PIGN: variants seen among roughly 807,000 people sequenced by gnomAD.
PIGN encodes the protein GPI ethanolamine phosphate transferase 1.
PIGN carries 117 observed loss-of-function variants against 125.4 expected under a neutral mutation model. That is an observed-to-expected ratio of 0.93 (90% confidence interval 0.80 to 1.09). The LOEUF is 1.09. Ranked by LOEUF, PIGN falls within the 50% of genes least tolerant of loss-of-function variation. PIGN has a pLI of 0.00. For missense variants in PIGN, 1,075 were observed against 1,094.9 expected (o/e 0.98, Z 0.26); for synonymous variants, 392 against 377.8 (o/e 1.04, Z -0.44).
chr18:62,084,513 C>A lies in PIGN; in HGVS notation c.2502+18G>T. 1 of 1,465,222 alleles carries A rather than the reference C, an allele frequency of 6.8e-7. No individual in the cohort carries two copies. The highest frequency in any genetic ancestry group is 9.3e-7 in the Non-Finnish European group (1 of 1,076,848). 90.8% of individuals were successfully genotyped at this position (1,465,222 alleles called of 1,614,324 possible). A position where few individuals can be genotyped will look rare whatever the true frequency, so the allele number is the denominator to read the frequency against. ...TCAATCAATAGCTTAAGACAAATAACAAAATAAGAAAACTAACCTTCCACA... is the reference window on the plus strand; with the variant it reads ...TCAATCAATAGCTTAAGACAAATAAAAAAATAAGAAAACTAACCTTCCACA... On this transcript the variant is annotated intron_variant, in intron 27 of 30. Transcript: ENST00000640252.
chr18:62,142,035 T>C (rs1040519513), intron 11 of PIGN, among the ~76,000 whole-genome samples: 1 of 152,214 alleles, frequency 6.6e-6, no homozygotes, highest in Admixed American at 6.5e-5. Context: ...CAGTCTATCA[T>C]ATACATCCAC....
rs1432433273 is a variant in PIGN at position 62,045,071 on chromosome 18, A to C, written c.*785T>G. On this transcript the variant is annotated 3_prime_UTR_variant, in exon 31 of 31. Coordinates refer to ENST00000640252, the MANE Select transcript of PIGN (RefSeq NM_176787.5). ...AGTAAAAAGAAATTCAAAGGGAAAG[A>C]AACAATATACGAAAAAGCTATGGGG... The C allele has an allele frequency of 6.6e-6, 1 of 152,216 alleles. No homozygotes were observed. The highest frequency in any genetic ancestry group is 1.5e-5 in the Non-Finnish European group (1 of 68,024). 9.4% of individuals were successfully genotyped at this position (152,216 alleles called of 1,614,324 possible). A position where few individuals can be genotyped will look rare whatever the true frequency, so the allele number is the denominator to read the frequency against.
chr18:62,106,873 A>T lies in PIGN; in HGVS notation c.1683T>A (p.Ser561Arg). 19 of 1,606,982 alleles carry T rather than the reference A, an allele frequency of 1.2e-5. No homozygotes were observed. The highest frequency in any genetic ancestry group is 1.5e-5 in the Non-Finnish European group (18 of 1,176,484). The change falls in exon 19 of 31, where the codon AGT becomes AGA. Residue 561 changes from serine (S) to arginine (R), a missense_variant. Around this residue, in one of 3 missense-constraint regions of PIGN, gnomAD observed 915 missense variants for 908.7 expected, o/e 1.01. Coordinates refer to ENST00000640252, the MANE Select transcript of PIGN (RefSeq NM_176787.5). ...CGGTAAGCATATAGCGGTAGAAAAA[A>T]CTGAGAACCTAGTAATGCATTCCAA... ...FTLGIEVLVL[S>R]FFYRYMLTAG...
chr18:62,028,006 C>A (rs1019378432), intron 23 of PIGN, among the ~76,000 whole-genome samples: 7 of 152,200 alleles, frequency 4.6e-5, no homozygotes, highest in Non-Finnish European at 1.0e-4. Flanking sequence ...TTTTCCCTAT[C>A]AGCATACAGT....
rs114146827 is a variant in PIGN at position 62,140,850 on chromosome 18, T to C, written c.964-371A>G. Among the ~76,000 whole-genome samples the C allele has an allele frequency of 4.8e-3, 738 of 152,276 alleles. 9 individuals are homozygous for C. The highest frequency in any genetic ancestry group is 0.017 in the African/African-American group (705 of 41,566). ...AGTAGACTTTAACTGGAGAAATGTA[T>C]ATATTAAGTAGAAAAACAAAGTATC... On this transcript the variant is annotated intron_variant, in intron 11 of 30. Coordinates refer to ENST00000640252, the MANE Select transcript of PIGN (RefSeq NM_176787.5).
chr18:62,085,246 CT>C lies in PIGN; in HGVS notation c.2388del (p.Ala797HisfsTer8). 1 of 1,543,978 alleles carries C rather than the reference CT, an allele frequency of 6.5e-7. No homozygotes were observed. The highest frequency in any genetic ancestry group is 8.8e-7 in the Non-Finnish European group (1 of 1,140,842). On this transcript the variant is annotated frameshift_variant, in exon 26 of 31. Coordinates refer to ENST00000640252, the MANE Select transcript of PIGN (RefSeq NM_176787.5). LOFTEE classifies it high-confidence loss of function. ...RAFFLVFFLV[T>X]AFFGTGNIAS... The stretch of plus-strand genomic sequence containing the variant: ...GCTATATTTCCAGTTCCAAAAAATG[CT>C]GTCACTAAGAAGAAAACCTAAAGGG...
At chr18:62,062,225 A>G (rs1302258873) in intron 30 of PIGN, among the ~76,000 whole-genome samples, 1 of 152,186 alleles carries the variant, frequency 6.6e-6, no homozygotes, top group Non-Finnish European at 1.5e-5. Flanking sequence ...TTCCTCTCTT[A>G]AAGTGGGCAC....
intron 1 of PIGN, among the ~76,000 whole-genome samples, chr18:62,175,042 T>A (rs555977006): frequency 1.4e-5 from 2 of 143,570 alleles, no homozygotes; most frequent in South Asian, 2.2e-4. Flanking sequence ...ATATATATTA[T>A]AAATATATAT....
At chr18:62,111,538 G>C (rs2034880655) in intron 16 of PIGN, among the ~76,000 whole-genome samples, 1 of 152,142 alleles carries the variant, frequency 6.6e-6, no homozygotes, top group Non-Finnish European at 1.5e-5. Context: ...TTGTAGTCGA[G>C]TGTAGATATA....
rs1283278646 is a variant in PIGN, at chr18:62,041,741, C to G, written c.*4115G>C. ...ATGGGGTTTTGCCATCTTGGCCAGA[C>G]TGGTCTCGAACTCCTGACCTCAAGT... is the stretch of plus-strand genomic sequence containing the variant. On this transcript the variant is annotated 3_prime_UTR_variant, in exon 31 of 31. Coordinates refer to ENST00000640252, the MANE Select transcript of PIGN (RefSeq NM_176787.5). 5 of 144,896 alleles carry G rather than the reference C, an allele frequency of 3.5e-5. No homozygotes were observed. The highest frequency in any genetic ancestry group is 1.3e-4 in the African/African-American group (5 of 38,528). 9.0% of individuals were successfully genotyped at this position (144,896 alleles called of 1,614,324 possible).
Position 62,095,947 on chromosome 18 carries a change from G to C in PIGN, c.2081C>G (p.Ser694Cys). Residue 694 changes from serine (S) to cysteine (C), a missense_variant, in exon 23 of 31, where the codon TCT becomes TGT. Physicochemically the swap from Ser to Cys is moderately radical, Grantham distance 112. This residue lies in a region of PIGN where 915 missense variants were observed against 908.7 expected (regional missense o/e 1.01). Coordinates refer to ENST00000640252, the MANE Select transcript of PIGN (RefSeq NM_176787.5). ...ACTCAGTAGTGGCACAACCAAGGAA[G>C]AGGCTGCAATGAAACAGAACAGGTC... ...NQIISWATLA[S>C]SLVVPLLSSP... 1 of 1,602,734 alleles carries C rather than the reference G, an allele frequency of 6.2e-7. No homozygotes were observed. The highest frequency in any genetic ancestry group is 1.1e-5 in the South Asian group (1 of 90,696).
chr18:62,154,372 C>G, intron 7 of PIGN, 173 bp downstream of exon 7: 2 of 515,200 alleles, frequency 3.9e-6, no homozygotes, highest in Middle Eastern at 4.9e-4. Flanking sequence ...TTTAAAACTT[C>G]TCTTATTTAT....
chr18:62,085,378 C>G, intron 25 of PIGN, 114 bp from the exon 26 acceptor site: 2 of 719,542 alleles, frequency 2.8e-6, no homozygotes, highest in South Asian at 1.7e-5. Context: ...TTACTTGTAC[C>G]ATGAATTGTT....
rs776827487 is a variant in PIGN, at chr18:62,105,567, C to T, written c.1835G>A (p.Gly612Asp). The T allele has an allele frequency of 6.4e-7, 1 of 1,551,570 alleles. No individual in the cohort carries two copies. The highest frequency in any genetic ancestry group is 1.2e-5 in the South Asian group (1 of 84,080). The change falls in exon 20 of 31, where the codon GGT becomes GAT. Residue 612 changes from glycine to aspartate, a missense_variant. Transcript: ENST00000640252. Reference sequence around the variant, plus strand: ...CACTAGAGAGATGTCTGGCTTTCGACCTACAACCGGCATCAGTGGGAACAC... The same window carrying T: ...CACTAGAGAGATGTCTGGCTTTCGATCTACAACCGGCATCAGTGGGAACAC... ...LAVFPLMPVV[G>D]RKPDISLVMG...
chr18:62,026,667 T>G (rs977819073), intron 23 of PIGN, among the ~76,000 whole-genome samples: 3 of 152,220 alleles, frequency 2.0e-5, no homozygotes, highest in Non-Finnish European at 4.4e-5. Flanking sequence ...GTGTACTTTC[T>G]TCACACGGAG....
At chr18:62,167,439 C>G (rs1162635215) in intron 1 of PIGN, among the ~76,000 whole-genome samples, 1 of 151,272 alleles carries the variant, frequency 6.6e-6, no homozygotes, top group African/African-American at 2.4e-5. Context: ...CAAAACCAGC[C>G]TAGCCAACCT....
downstream of PIGN, among the ~76,000 whole-genome samples, chr18:62,039,182 A>C (rs1049580143): frequency 6.6e-6 from 1 of 152,026 alleles, no homozygotes; most frequent in South Asian, 2.1e-4. Flanking sequence ...TAGAGTAAAA[A>C]TTTTAAAAAC....
chr18:62,027,733 T>C (rs1233310161), intron 23 of PIGN, among the ~76,000 whole-genome samples: 2 of 152,042 alleles, frequency 1.3e-5, no homozygotes, highest in African/African-American at 4.8e-5. Context: ...CCAAGATTTA[T>C]TTTCCTTTCA....
chr18:62,070,736 G>T (rs2032794478), intron 30 of PIGN, among the ~76,000 whole-genome samples: 1 of 152,078 alleles, frequency 6.6e-6, no homozygotes, highest in African/African-American at 2.4e-5. Context: ...GGCAATCATT[G>T]AAATTTAAAT....
Sources: gnomAD v4.1 joint callset for allele counts (sites outside exome capture counted in the v4.1 genomes callset) on GRCh38, gnomAD v4.1.1 for gene constraint, gnomAD v4.1.1 regional missense constraint, MANE v1.5 for transcripts, NCBI Gene and HGNC (gene_info 2026-07-23, HGNC 2026-07-21) for gene names.